MIEF2: variants seen among roughly 807,000 people sequenced by gnomAD.
The protein encoded by MIEF2 is mitochondrial dynamics protein MID49.
MIEF2 carries 1 observed loss-of-function variant against 7.4 expected under a neutral mutation model. That is an observed-to-expected ratio of 0.14 (90% CI 0.05 to 0.64). MIEF2 has a LOEUF of 0.64. Ranked by LOEUF, MIEF2 falls within the 30% of genes least tolerant of loss-of-function variation. MIEF2 has a pLI of 0.85. For synonymous variants in MIEF2, 275 were observed against 290.5 expected, an observed-to-expected ratio of 0.95 and a Z score of 0.54; for missense variants, 569 against 623.9, an observed-to-expected ratio of 0.91 and a Z score of 0.94.
rs1391362767 is a variant in MIEF2, at chr17:18,264,496, G to A, written c.1097G>A (p.Gly366Asp). 1.9e-5 allele frequency: 30 copies of A among 1,607,484 alleles called. No homozygotes were observed. The highest frequency in any genetic ancestry group is 2.5e-5 in the Non-Finnish European group (29 of 1,179,896). Reference sequence around the variant, plus strand: ...CTGCTGCTGTGTGCTGTCTGCCGTGGTTGCTCGGCTCTGGGGCAGCTAGGC... The same window carrying A: ...CTGCTGCTGTGTGCTGTCTGCCGTGATTGCTCGGCTCTGGGGCAGCTAGGC... The part of the protein sequence containing the change: ...LLLLLCAVCR[G>D]CSALGQLGRG... Residue 366 changes from glycine to aspartate, a missense_variant, in exon 4 of 4, where the codon GGT becomes GAT. Coordinates refer to ENST00000323019, the MANE Select transcript of MIEF2 (RefSeq NM_139162.4).
chr17:18,262,448 G>C (rs1978464064), intron 1 of MIEF2, among the ~76,000 whole-genome samples: 1 of 152,176 alleles, frequency 6.6e-6, no homozygotes, highest in Non-Finnish European at 1.5e-5. Context: ...ATCTCCTCAT[G>C]AGAGATGGGG....
Position 18,262,772 on chromosome 17 carries a change from G to C in MIEF2, c.52G>C (p.Gly18Arg), listed in dbSNP as rs1978480784. 6.2e-7 allele frequency: 1 copy of C among 1,605,880 alleles called. No homozygotes were observed. Among genetic ancestry groups the C allele is most frequent in the African/African-American group, 1.3e-5 (1 of 74,932 alleles). The stretch of plus-strand genomic sequence containing the variant: ...GAAGCGGCGTAGCGACGAAGGGCTG[G>C]GCAGCATGGTGGACTTCCTCCTGGC... ...RGKRRSDEGL[G>R]SMVDFLLANA... Residue 18 changes from glycine to arginine, a missense_variant, in exon 2 of 4, where the codon GGC (glycine) becomes CGC (arginine). Transcript: ENST00000323019.
At chr17:18,263,514 G>A in intron 3 of MIEF2, 196 bp from the exon 4 acceptor site, 2 of 858,798 alleles carry the variant, frequency 2.3e-6, no homozygotes, top group Non-Finnish European at 3.6e-6. Flanking sequence ...TTGTCGCCAG[G>A]GTGTTGGACT....
intron 1 of MIEF2, among the ~76,000 whole-genome samples, chr17:18,261,559 T>G (rs1303023172): frequency 6.6e-6 from 1 of 152,154 alleles, no homozygotes; most frequent in African/African-American, 2.4e-5. Flanking sequence ...GTCCCAGCCC[T>G]TCTCAGCTCC....
intron 1 of MIEF2, among the ~76,000 whole-genome samples, 167 bp downstream of exon 1, chr17:18,260,904 C>T (rs1292650281): frequency 2.6e-5 from 4 of 152,230 alleles, no homozygotes; most frequent in African/African-American, 9.6e-5. Context: ...AGCCCCCTTC[C>T]CCTCTCGGTC....
At chr17:18,261,576 C>G (rs927308810) in intron 1 of MIEF2, among the ~76,000 whole-genome samples, 1 of 152,214 alleles carries the variant, frequency 6.6e-6, no homozygotes, top group African/African-American at 2.4e-5. Flanking sequence ...CTCCCAGGGC[C>G]TGAGGGCAGT....
chr17:18,261,949 C>T (rs1978438253), intron 1 of MIEF2, among the ~76,000 whole-genome samples: 1 of 152,232 alleles, frequency 6.6e-6, no homozygotes, highest in Non-Finnish European at 1.5e-5. Flanking sequence ...CAGCTTGGGC[C>T]GTCTTACTCT....
chr17:18,263,009 G>A (rs1238673554), intron 2 of MIEF2, 77 bp from the exon 3 acceptor site: 8 of 1,570,428 alleles, frequency 5.1e-6, no homozygotes, highest in East Asian at 4.5e-5. Context: ...CACCCAGCAC[G>A]CTGGTCTGCT....
intron 1 of MIEF2, among the ~76,000 whole-genome samples, chr17:18,261,742 T>G (rs973283509): frequency 1.3e-5 from 2 of 152,254 alleles, no homozygotes; most frequent in African/African-American, 4.8e-5. Context: ...GCAAACAGGC[T>G]GGGGCCCAGG....
chr17:18,262,758 G>T lies in MIEF2; in HGVS notation c.38G>T (p.Ser13Ile), dbSNP rs776375102. ...TCCCAGAAACGGGGGAAGCGGCGTA[G>T]CGACGAAGGGCTGGGCAGCATGGTG... ...EFSQKRGKRR[S>I]DEGLGSMVDF... Residue 13 changes from serine (S) to isoleucine (I), a missense_variant, in exon 2 of 4, where the codon AGC (serine) becomes ATC (isoleucine). By Grantham distance (142) the Ser-to-Ile change is moderately radical (BLOSUM62 -2). Transcript: ENST00000323019. The T allele has an allele frequency of 7.5e-6, 12 of 1,608,208 alleles. 1 individual carries two copies. The Middle Eastern group carries it at 6.6e-4, about 89-fold the overall frequency.
rs529168177 is a variant in MIEF2 at position 18,265,433 on chromosome 17, G to C, written c.*669G>C. 1 of 152,592 alleles carries C rather than the reference G, an allele frequency of 6.6e-6. No homozygotes were observed. The highest frequency in any genetic ancestry group is 2.4e-5 in the African/African-American group (1 of 41,584). 9.5% of individuals were successfully genotyped at this position (152,592 alleles called of 1,614,324 possible). ...AGGTGAGTGTTTTCTTCAGGCAGCT[G>C]AGGGTCCTGGGGGAGCTGAGGCTCT... On this transcript the variant is annotated 3_prime_UTR_variant, in exon 4 of 4. Coordinates refer to ENST00000323019, the MANE Select transcript of MIEF2 (RefSeq NM_139162.4).
At chr17:18,261,025 G>A in intron 1 of MIEF2, 1 of 1,377,818 alleles carries the variant, frequency 7.3e-7, no homozygotes, top group Non-Finnish European at 1.0e-6. Context: ...AAGGCCAAAC[G>A]GCCTCCAGGG....
Position 18,264,516 on chromosome 17 carries a change from C to G in MIEF2, c.1117C>G (p.Leu373Val). 1 of 1,609,134 alleles carries G rather than the reference C, an allele frequency of 6.2e-7. No homozygotes were observed. The highest frequency in any genetic ancestry group is 8.5e-7 in the Non-Finnish European group (1 of 1,179,872). The stretch of plus-strand genomic sequence containing the variant: ...CCGTGGTTGCTCGGCTCTGGGGCAG[C>G]TAGGCCGGGGTCACCTGACCCAGGT... The part of the protein sequence containing the change: ...VCRGCSALGQ[L>V]GRGHLTQVVL... Residue 373 changes from leucine to valine, a missense_variant, in exon 4 of 4, where the codon CTA becomes GTA. Physicochemically the swap from Leu to Val is conservative, Grantham distance 32. Transcript: ENST00000323019.
rs1978626483 is a variant in MIEF2, at chr17:18,264,433, T to C, written c.1034T>C (p.Leu345Pro). 6.2e-7 allele frequency: 1 copy of C among 1,601,300 alleles called. No individual in the cohort carries two copies. Among genetic ancestry groups the C allele is most frequent in the Non-Finnish European group, 8.5e-7 (1 of 1,179,850 alleles). The change falls in exon 4 of 4, where the codon CTG (leucine) becomes CCG (proline). Residue 345 changes from leucine to proline, a missense_variant. Coordinates refer to ENST00000323019, the MANE Select transcript of MIEF2 (RefSeq NM_139162.4). ...YPVEAARLRALDDHDAGTRRR... is the reference protein window; with the variant it reads ...YPVEAARLRAPDDHDAGTRRR... Reference sequence around the variant, plus strand: ...GTGGAGGCTGCTAGGCTGCGAGCCCTGGACGACCATGACGCTGGGACTCGC... The same window carrying C: ...GTGGAGGCTGCTAGGCTGCGAGCCCCGGACGACCATGACGCTGGGACTCGC...
chr17:18,264,335 T>C lies in MIEF2; in HGVS notation c.936T>C (p.Ala312=), dbSNP rs539688122. ...AVLVAVPGVD[A]DDRLLLAWPL... is the part of the protein sequence containing the mutation. Reference sequence around the variant, plus strand: ...TTGTGGCAGTCCCTGGGGTCGATGCTGACGACCGCCTCCTCTTGGCCTGGC... The same window carrying C: ...TTGTGGCAGTCCCTGGGGTCGATGCCGACGACCGCCTCCTCTTGGCCTGGC... Residue 312 remains alanine (A), a synonymous_variant, in exon 4 of 4, where the codon GCT becomes GCC. Transcript: ENST00000323019. 2 of 1,606,444 alleles carry C rather than the reference T, an allele frequency of 1.2e-6. No homozygotes were observed. Among genetic ancestry groups the C allele is most frequent in the East Asian group, 4.5e-5 (2 of 44,880 alleles).
At chr17:18,262,588 GC>G in intron 1 of MIEF2, 125 bp from the exon 2 acceptor site, 1 of 865,250 alleles carries the variant, frequency 1.2e-6, no homozygotes, top group East Asian at 3.1e-5. Flanking sequence ...TTCTCAGAAA[GC>G]CCCCCTCATG....
intron 3 of MIEF2, 187 bp from the exon 4 acceptor site, chr17:18,263,523 C>G (rs1486254566): frequency 1.1e-6 from 1 of 901,426 alleles, no homozygotes; most frequent in East Asian, 2.6e-5. Context: ...GGGTGTTGGA[C>G]TCTGGGGCAA....
rs1364273000 is a variant in MIEF2 at position 18,264,476 on chromosome 17, G to A, written c.1077G>A (p.Leu359=). 7 of 1,605,310 alleles carry A rather than the reference G, an allele frequency of 4.4e-6. No homozygotes were observed. In the Admixed American group the frequency reaches 1.0e-4, roughly 23 times the overall value. The change falls in exon 4 of 4, where the codon CTG becomes CTA. Residue 359 remains leucine, a synonymous_variant. Coordinates refer to ENST00000323019, the MANE Select transcript of MIEF2 (RefSeq NM_139162.4). ...GGACTCGCCGGCGGCTGCTGCTGCTGCTGTGTGCTGTCTGCCGTGGTTGCT... is the reference window on the plus strand; with the variant it reads ...GGACTCGCCGGCGGCTGCTGCTGCTACTGTGTGCTGTCTGCCGTGGTTGCT... ...DAGTRRRLLL[L]LCAVCRGCSA...
chr17:18,261,850 G>T lies in MIEF2; in HGVS notation c.-7-864G>T, dbSNP rs183547565. 4.3e-3 allele frequency among the ~76,000 whole-genome samples: 657 copies of T among 152,340 alleles called. 3 individuals carry two copies. Among genetic ancestry groups the T allele is most frequent in the Non-Finnish European group, 7.1e-3 (486 of 68,028 alleles). ...GTCCCAAGACTGAGAGGCCCAGAGA[G>T]CCCCCTGTACAGAGGCACTGGGCAG... On this transcript the variant is annotated intron_variant, in intron 1 of 3. Coordinates refer to ENST00000323019, the MANE Select transcript of MIEF2 (RefSeq NM_139162.4).
Sources: allele counts gnomAD v4.1 joint callset (sites outside exome capture counted in the v4.1 genomes callset), GRCh38; gene constraint gnomAD v4.1.1; transcripts MANE v1.5; gene names NCBI Gene and HGNC (gene_info 2026-07-23, HGNC 2026-07-21).